The following BEAN1 variants were observed in gnomAD, a reference collection of about 807,000 sequenced individuals.
BEAN1 encodes the protein protein BEAN1.
Under a neutral mutation model 17.7 loss-of-function variants are expected in BEAN1, and 17 were observed. The ratio of observed to expected loss-of-function variants is 0.96; its 90% CI spans 0.66 to 1.44. The LOEUF (loss-of-function observed/expected upper bound fraction) is 1.44, where lower values mean the gene tolerates loss of function less well. Among genes scored for constraint, BEAN1 ranks in the 40% most tolerant of loss-of-function variants. The pLI is 0.00. For missense variants in BEAN1, 359 were observed against 374.1 expected, an observed-to-expected ratio of 0.96 and a Z score of 0.33; for synonymous variants, 142 against 151.8, an observed-to-expected ratio of 0.94 and a Z score of 0.47.
At chr16:66,438,951 C>T (rs1279430254) in intron 2 of BEAN1, among the ~76,000 whole-genome samples, 1 of 152,216 alleles carries the variant, frequency 6.6e-6, no homozygotes, top group South Asian at 2.1e-4. Flanking sequence ...CCCCTGCTCA[C>T]TGTGGGTAAT....
intron 2 of BEAN1, among the ~76,000 whole-genome samples, chr16:66,443,241 A>T (rs1962326039): frequency 6.6e-6 from 1 of 152,244 alleles, no homozygotes; most frequent in Admixed American, 6.5e-5. Context: ...TGTGAGGATC[A>T]AATAAGATAT....
At chr16:66,472,892 C>T (rs969903710) in intron 3 of BEAN1, among the ~76,000 whole-genome samples, 4 of 151,894 alleles carry the variant, frequency 2.6e-5, no homozygotes, top group Non-Finnish European at 4.4e-5. Context: ...TGTGATGGCA[C>T]ATGCCTGTAG....
Position 66,469,885 on chromosome 16 carries a change from G to C in BEAN1, c.289+20G>C. 1 of 1,529,146 alleles carries C rather than the reference G, an allele frequency of 6.5e-7. No homozygotes were observed. Among genetic ancestry groups the C allele is most frequent in the African/African-American group, 1.4e-5 (1 of 72,648 alleles). 94.7% of individuals were successfully genotyped at this position (1,529,146 alleles called of 1,614,324 possible). A position where few individuals can be genotyped will look rare whatever the true frequency, so the allele number is the denominator to read the frequency against. On this transcript the variant is annotated intron_variant, in intron 3 of 4. Transcript: ENST00000536005. ...GCTACGGTGAGCCGCCGCCCACCCT[G>C]GGGCCCTGGGACCTCATCTGACTGG...
intron 2 of BEAN1, among the ~76,000 whole-genome samples, chr16:66,468,455 G>C (rs1963340440): frequency 6.6e-6 from 1 of 152,216 alleles, no homozygotes; most frequent in African/African-American, 2.4e-5. Context: ...TCTGAAGCTG[G>C]CTCCCTACTG....
chr16:66,466,524 TC>T (rs1963265981), intron 2 of BEAN1, among the ~76,000 whole-genome samples: 2 of 152,324 alleles, frequency 1.3e-5, no homozygotes, highest in Non-Finnish European at 1.5e-5. Context: ...TAAATTTCCC[TC>T]TAAACACTGC....
chr16:66,443,972 A>G (rs1404649651), intron 2 of BEAN1, among the ~76,000 whole-genome samples: 1 of 152,164 alleles, frequency 6.6e-6, no homozygotes, highest in Non-Finnish European at 1.5e-5. Flanking sequence ...CACTGCACCC[A>G]GCCCGCTCAT....
rs1027022236 is a variant in BEAN1 at position 66,434,147 on chromosome 16, A to G, written c.-82-3448A>G. Among the ~76,000 whole-genome samples, 27 of 152,188 alleles carry G rather than the reference A, an allele frequency of 1.8e-4. 1 individual carries two copies. Among genetic ancestry groups the G allele is most frequent in the Non-Finnish European group, 4.0e-4 (27 of 68,030 alleles). The stretch of plus-strand genomic sequence containing the variant: ...GAGCGAGCCTCGCATGCTGGGCTCA[A>G]AGAGAGGCGGGCAGGGGAAGAGGTG... On this transcript the variant is annotated intron_variant, in intron 1 of 4. Transcript: ENST00000536005. The surrounding 1 kb of genome is among the most constrained non-coding windows in gnomAD (Gnocchi z 4.3).
intron 1 of BEAN1, among the ~76,000 whole-genome samples, chr16:66,433,838 G>T (rs74026534): frequency 6.6e-6 from 1 of 152,168 alleles, no homozygotes; most frequent in Non-Finnish European, 1.5e-5. Context: ...GAGGCTGGCC[G>T]CTCCTGGGGC....
intron 3 of BEAN1, among the ~76,000 whole-genome samples, chr16:66,474,597 G>A (rs1392185234): frequency 2.2e-4 from 5 of 23,228 alleles, no homozygotes; most frequent in African/African-American, 5.4e-4. Context: ...AGGGAGGGAG[G>A]GAGGGAGAGA....
chr16:66,464,637 C>G (rs1963202049), intron 2 of BEAN1, among the ~76,000 whole-genome samples: 1 of 152,134 alleles, frequency 6.6e-6, no homozygotes. Context: ...GCCACTGTGC[C>G]CAGCCTAAGT....
chr16:66,440,863 G>A (rs1235130615), intron 2 of BEAN1, among the ~76,000 whole-genome samples: 1 of 152,110 alleles, frequency 6.6e-6, no homozygotes, highest in Non-Finnish European at 1.5e-5. Context: ...TGATTTTGCT[G>A]TATTGGTTTG....
chr16:66,489,871 C>T (rs903818304), intron 4 of BEAN1, among the ~76,000 whole-genome samples: 11 of 152,006 alleles, frequency 7.2e-5, no homozygotes, highest in African/African-American at 2.7e-4. Context: ...AACTGGGATG[C>T]AGTTTCTCAA....
At chr16:66,487,977 G>A (rs1964112522) in intron 4 of BEAN1, among the ~76,000 whole-genome samples, 1 of 152,168 alleles carries the variant, frequency 6.6e-6, no homozygotes, top group East Asian at 1.9e-4. Context: ...ACTGTTGAAG[G>A]AGGCTGCAGC....
At chr16:66,478,406 T>C (rs1332074372) in intron 4 of BEAN1, among the ~76,000 whole-genome samples, 1 of 151,938 alleles carries the variant, frequency 6.6e-6, no homozygotes, top group Non-Finnish European at 1.5e-5. Context: ...ATCGAGACCA[T>C]CCTGGCTAAC....
At chr16:66,469,122 C>T (rs772523387) in intron 2 of BEAN1, among the ~76,000 whole-genome samples, 8 of 152,222 alleles carry the variant, frequency 5.3e-5, no homozygotes, top group Non-Finnish European at 1.2e-4. Context: ...TCAATTTCAG[C>T]CCACAGCCCC....
At chr16:66,470,142 G>A in intron 3 of BEAN1, 1 of 550,360 alleles carries the variant, frequency 1.8e-6, no homozygotes. Context: ...GGTCCAGGCT[G>A]CACCAAGGGC....
chr16:66,477,978 C>T (rs1963825268), intron 4 of BEAN1: 2 of 323,532 alleles, frequency 6.2e-6, no homozygotes, highest in East Asian at 5.6e-5. Flanking sequence ...GCCGGGAATG[C>T]CCCTGCAGTT....
downstream of BEAN1, chr16:66,483,295 C>G (rs551480781): frequency 3.4e-4 from 56 of 162,466 alleles, no homozygotes; most frequent in Non-Finnish European, 5.7e-4. Flanking sequence ...CAGTGCCTTA[C>G]AGGAGTTGCT....
At chr16:66,437,959 C>A in intron 2 of BEAN1, 1 of 590,112 alleles carries the variant, frequency 1.7e-6, no homozygotes, top group Middle Eastern at 2.6e-4. Context: ...CGGAGTTCCT[C>A]TGAGGGATGT....
Sources: gnomAD v4.1 joint callset for allele counts (sites outside exome capture counted in the v4.1 genomes callset) on GRCh38, gnomAD v4.1.1 for gene constraint, Gnocchi (gnomAD v3.1) non-coding constraint, MANE v1.5 for transcripts, NCBI Gene and HGNC (gene_info 2026-07-23, HGNC 2026-07-21) for gene names.